The following POU2AF2 variants were observed in gnomAD, a reference collection of about 807,000 sequenced individuals.
The protein encoded by POU2AF2 is POU domain class 2-associating factor 2.
the POU2AF2 span, among the ~76,000 whole-genome samples, chr11:111,249,663 C>T: frequency 6.6e-6 from 1 of 152,224 alleles, no homozygotes; most frequent in African/African-American, 2.4e-5. Flanking sequence ...TCCTCAACTT[C>T]TCTAAGGCGT....
At chr11:111,261,497 T>G in the POU2AF2 span, among the ~76,000 whole-genome samples, 2 of 152,218 alleles carry the variant, frequency 1.3e-5, no homozygotes, top group Non-Finnish European at 2.9e-5. Context: ...CCATTGTTCC[T>G]TTTAATCAAG....
At chr11:111,276,018 A>G in the POU2AF2 span, among the ~76,000 whole-genome samples, 1 of 152,146 alleles carries the variant, frequency 6.6e-6, no homozygotes, top group Admixed American at 6.5e-5. Context: ...TTTGAGGATA[A>G]TAGTAAAAGT....
the POU2AF2 span, among the ~76,000 whole-genome samples, chr11:111,270,684 C>G: frequency 6.6e-6 from 1 of 152,224 alleles, no homozygotes; most frequent in African/African-American, 2.4e-5. Context: ...CCAGCCGCCT[C>G]TCATACAGGT....
At chr11:111,275,521 G>A in the POU2AF2 span, among the ~76,000 whole-genome samples, 2 of 152,144 alleles carry the variant, frequency 1.3e-5, no homozygotes, top group Admixed American at 1.3e-4. Context: ...GAACCTGGAA[G>A]GCATCTGGCT....
chr11:111,284,371 C>T, the POU2AF2 span: 3 of 1,601,704 alleles, frequency 1.9e-6, no homozygotes, highest in Non-Finnish European at 2.6e-6. Context: ...CAGCTCACTT[C>T]CTATTTGTGA....
chr11:111,276,454 ATAT>A, the POU2AF2 span, among the ~76,000 whole-genome samples: 56 of 19,060 alleles, frequency 2.9e-3, no homozygotes, highest in South Asian at 8.5e-3. Context: ...AAAAAAAAAA[ATAT>A]ATATATATAT....
chr11:111,265,445 CAG>C, the POU2AF2 span, among the ~76,000 whole-genome samples: 1 of 152,092 alleles, frequency 6.6e-6, no homozygotes. Flanking sequence ...GCCTGAATAT[CAG>C]AGTCAGACAG....
chr11:111,274,586 AAGAGAC>A, the POU2AF2 span, among the ~76,000 whole-genome samples: 1 of 151,340 alleles, frequency 6.6e-6, no homozygotes, highest in Admixed American at 6.6e-5. Context: ...AAGAGAGAGA[AAGAGAC>A]AGAGACAGAT....
At chr11:111,283,954 G>C in the POU2AF2 span, 1 of 822,840 alleles carries the variant, frequency 1.2e-6, no homozygotes, top group Non-Finnish European at 2.0e-6. Flanking sequence ...CTATTTCCAT[G>C]TTAGCGTTGG....
the POU2AF2 span, among the ~76,000 whole-genome samples, chr11:111,252,116 C>A: frequency 6.6e-6 from 1 of 152,204 alleles, no homozygotes; most frequent in African/African-American, 2.4e-5. Context: ...TACAAAGGAT[C>A]CAGCCTGGAC....
the POU2AF2 span, among the ~76,000 whole-genome samples, chr11:111,265,899 A>G: frequency 6.6e-6 from 1 of 151,662 alleles, no homozygotes; most frequent in East Asian, 1.9e-4. Flanking sequence ...TGGAAGCTGT[A>G]GTTACCCACA....
At chr11:111,256,070 A>G in the POU2AF2 span, 1 of 399,126 alleles carries the variant, frequency 2.5e-6, no homozygotes, top group Non-Finnish European at 4.4e-6. Context: ...CGATCCGGGC[A>G]GACAAGTAAC....
chr11:111,272,569 C>CA, the POU2AF2 span, among the ~76,000 whole-genome samples: 1 of 152,210 alleles, frequency 6.6e-6, no homozygotes, highest in Non-Finnish European at 1.5e-5. Flanking sequence ...AAGTGCCAGA[C>CA]ACAGAGTCTG....
chr11:111,268,751 T>C, the POU2AF2 span, among the ~76,000 whole-genome samples: 75 of 151,960 alleles, frequency 4.9e-4, no homozygotes, highest in Admixed American at 9.8e-4. Context: ...TTTCACGGTA[T>C]TGGTCAGGCC....
the POU2AF2 span, among the ~76,000 whole-genome samples, chr11:111,261,322 G>T: frequency 6.6e-6 from 1 of 150,550 alleles, no homozygotes; most frequent in Admixed American, 6.6e-5. Flanking sequence ...TGCTTTTTTT[G>T]AACTACACTA....
At chr11:111,248,791 G>A in the POU2AF2 span, among the ~76,000 whole-genome samples, 1 of 152,170 alleles carries the variant, frequency 6.6e-6, no homozygotes, top group Non-Finnish European at 1.5e-5. Flanking sequence ...AAATAAGAAG[G>A]TGCTTTAAGT....
At chr11:111,276,453 A>AAAAATATATATAT in the POU2AF2 span, among the ~76,000 whole-genome samples, 140 of 37,422 alleles carry the variant, frequency 3.7e-3, 1 homozygote, top group Non-Finnish European at 4.4e-3. Context: ...AAAAAAAAAA[A>AAAAATATATATAT]ATATATATAT....
chr11:111,284,332 G>A, the POU2AF2 span: 1 of 1,611,130 alleles, frequency 6.2e-7, no homozygotes, highest in Non-Finnish European at 8.5e-7. Flanking sequence ...CCCTACCGCC[G>A]CTCCTGCCAC....
At chr11:111,276,091 A>G in the POU2AF2 span, among the ~76,000 whole-genome samples, 6 of 152,070 alleles carry the variant, frequency 3.9e-5, no homozygotes, top group African/African-American at 1.2e-4. Flanking sequence ...ACAAGACAAT[A>G]TTTGAAGAGA....
Sources: allele counts gnomAD v4.1 joint callset (sites outside exome capture counted in the v4.1 genomes callset), GRCh38; gene constraint gnomAD v4.1.1; transcripts MANE v1.5; gene names NCBI Gene and HGNC (gene_info 2026-07-23, HGNC 2026-07-21).